The following SDK1 variants were observed in gnomAD, a reference collection of about 807,000 sequenced individuals.
SDK1 encodes sidekick cell adhesion molecule 1, also known as protein sidekick-1.
SDK1 carries 157 observed loss-of-function variants against 245.5 expected under a neutral mutation model. The observed-to-expected ratio is 0.64, with a 90% CI of 0.56 to 0.73. The LOEUF (loss-of-function observed/expected upper bound fraction) is 0.73, where lower values mean the gene tolerates loss of function less well. SDK1 is among the 30% of genes least tolerant of loss of function. The pLI, the probability that SDK1 is intolerant of heterozygous loss-of-function variation, is 0.00. For synonymous variants in SDK1, 1,647 were observed against 1,278.5 expected, an observed-to-expected ratio of 1.29 and a Z score of -6.15; for missense variants, 3,583 against 3,002.3, an observed-to-expected ratio of 1.19 and a Z score of -4.52.
intron 1 of SDK1, among the ~76,000 whole-genome samples, chr7:3,569,916 C>G (rs936066525): frequency 6.6e-6 from 1 of 152,158 alleles, no homozygotes; most frequent in Non-Finnish European, 1.5e-5. Flanking sequence ...GTTTGATAAA[C>G]CACCATCTCC....
chr7:3,787,146 TCACACACA>T (rs34838736), intron 4 of SDK1, among the ~76,000 whole-genome samples: 100 of 137,744 alleles, frequency 7.3e-4, no homozygotes, highest in African/African-American at 1.4e-3. Context: ...AGTATTGAAA[TCACACACA>T]CACACACACA....
At chr7:3,611,059 C>T (rs1781574062) in intron 1 of SDK1, among the ~76,000 whole-genome samples, 1 of 152,148 alleles carries the variant, frequency 6.6e-6, no homozygotes, top group African/African-American at 2.4e-5. Flanking sequence ...AGCTGCCTTT[C>T]ATCCTGAAAT....
At chr7:3,783,144 G>A (rs909508013) in intron 4 of SDK1, among the ~76,000 whole-genome samples, 13 of 152,118 alleles carry the variant, frequency 8.5e-5, no homozygotes, top group South Asian at 2.1e-4. Context: ...GTTAGATGCC[G>A]AAAAAGCATT....
At chr7:3,368,106 T>C (rs1344867413) in intron 1 of SDK1, among the ~76,000 whole-genome samples, 1 of 152,246 alleles carries the variant, frequency 6.6e-6, no homozygotes, top group East Asian at 1.9e-4. Context: ...TGTAAGTATA[T>C]TATTGACTTC....
chr7:3,452,741 C>T lies in SDK1; in HGVS notation c.298+150857C>T, dbSNP rs77203172. On this transcript the variant is annotated intron_variant, in intron 1 of 44. Transcript: ENST00000404826. ...CATTGACTTTGTGTGGAATTTCCCT[C>T]CCCTCCTCCACCACCCTGTTAGAAA... is the stretch of plus-strand genomic sequence containing the variant. 6.4e-3 allele frequency among the ~76,000 whole-genome samples: 970 copies of T among 152,264 alleles called. 12 individuals carry two copies. Among genetic ancestry groups the T allele is most frequent in the African/African-American group, 0.022 (921 of 41,542 alleles).
At chr7:3,483,883 A>C (rs1013342433) in intron 1 of SDK1, among the ~76,000 whole-genome samples, 1 of 152,274 alleles carries the variant, frequency 6.6e-6, no homozygotes, top group Non-Finnish European at 1.5e-5. Context: ...TAAGCTCTAC[A>C]TGGCCATAAT....
At chr7:4,171,304 C>T (rs1192430114) in intron 32 of SDK1, among the ~76,000 whole-genome samples, 1 of 152,200 alleles carries the variant, frequency 6.6e-6, no homozygotes, top group Non-Finnish European at 1.5e-5. Flanking sequence ...TTCTCTAGCT[C>T]TATTACTGGA....
chr7:3,528,900 C>T (rs551924553), intron 1 of SDK1, among the ~76,000 whole-genome samples: 2 of 152,102 alleles, frequency 1.3e-5, no homozygotes, highest in Non-Finnish European at 2.9e-5. Context: ...CCTTCTCTCC[C>T]CTTGCTTTTG....
At chr7:4,052,009 A>G (rs1405314316) in intron 19 of SDK1, among the ~76,000 whole-genome samples, 179 bp downstream of exon 19, 1 of 152,038 alleles carries the variant, frequency 6.6e-6, no homozygotes, top group African/African-American at 2.4e-5. Context: ...CTCGCAGAGG[A>G]TGGCACGTGG....
rs1016371534 is a variant in SDK1 at position 3,436,281 on chromosome 7, C to T, written c.298+134397C>T. On this transcript the variant is annotated intron_variant, in intron 1 of 44. Transcript: ENST00000404826. ...AGAAAACTTTTTAGATAGGATTTCT[C>T]GGTAAATTAAAGGATTTAGAGGGAT... Among the ~76,000 whole-genome samples, 15 of 151,584 alleles carry T rather than the reference C, an allele frequency of 9.9e-5. No homozygotes were observed. In the South Asian group the frequency reaches 1.3e-3, roughly 13 times the overall value.
At chr7:3,478,801 G>C (rs1781423372) in intron 1 of SDK1, among the ~76,000 whole-genome samples, 1 of 151,590 alleles carries the variant, frequency 6.6e-6, no homozygotes, top group Admixed American at 6.6e-5. Context: ...TTTATTTTCA[G>C]CCTATATTCT....
At chr7:4,060,493 T>C (rs1035047056) in intron 19 of SDK1, among the ~76,000 whole-genome samples, 1 of 151,990 alleles carries the variant, frequency 6.6e-6, no homozygotes, top group Non-Finnish European at 1.5e-5. Context: ...GGGTTGTTTG[T>C]TTTTTTCTTG....
chr7:3,598,515 T>G (rs1781144655), intron 1 of SDK1, among the ~76,000 whole-genome samples: 1 of 152,172 alleles, frequency 6.6e-6, no homozygotes, highest in South Asian at 2.1e-4. Flanking sequence ...TATAATACGG[T>G]ATTACAGCCA....
chr7:4,083,290 A>G lies in SDK1; in HGVS notation c.3324+3706A>G, dbSNP rs985542704. Among the ~76,000 whole-genome samples the G allele has an allele frequency of 2.8e-5, 4 of 145,326 alleles. No homozygotes were observed. In the South Asian group the frequency reaches 6.8e-4, roughly 25 times the overall value. ...ACCAACCCTCCCCGTCCCCACAACCACTCATCTGCTTCCTGTCACTATAGG... is the reference window on the plus strand; with the variant it reads ...ACCAACCCTCCCCGTCCCCACAACCGCTCATCTGCTTCCTGTCACTATAGG... On this transcript the variant is annotated intron_variant, in intron 22 of 44. Coordinates refer to ENST00000404826, the MANE Select transcript of SDK1 (RefSeq NM_152744.4).
intron 1 of SDK1, among the ~76,000 whole-genome samples, chr7:3,373,034 T>C (rs1781266209): frequency 6.6e-6 from 1 of 152,262 alleles, no homozygotes; most frequent in South Asian, 2.1e-4. Context: ...TATTCTATGC[T>C]CAATATTAAG....
chr7:4,212,826 G>C (rs1411567344), intron 38 of SDK1, among the ~76,000 whole-genome samples: 2 of 152,228 alleles, frequency 1.3e-5, no homozygotes, highest in African/African-American at 4.8e-5. Context: ...TGACCTGTGA[G>C]TCCTTCCTAA....
At chr7:3,607,750 C>T (rs368693331) in intron 1 of SDK1, among the ~76,000 whole-genome samples, 5 of 152,300 alleles carry the variant, frequency 3.3e-5, no homozygotes, top group Middle Eastern at 3.4e-3. Flanking sequence ...GTTCAAGATC[C>T]AGCATTCTGT....
chr7:3,561,115 C>G (rs1779737770), intron 1 of SDK1, among the ~76,000 whole-genome samples: 1 of 152,104 alleles, frequency 6.6e-6, no homozygotes, highest in Non-Finnish European at 1.5e-5. Flanking sequence ...AGATTGCAAG[C>G]TTGATGAGGG....
chr7:4,236,762 G>A (rs1414628470), intron 41 of SDK1, among the ~76,000 whole-genome samples: 1 of 152,126 alleles, frequency 6.6e-6, no homozygotes, highest in Non-Finnish European at 1.5e-5. Context: ...GGTGGAATGT[G>A]AGTGCTGTGC....
Sources: gnomAD v4.1 joint callset for allele counts (sites outside exome capture counted in the v4.1 genomes callset) on GRCh38, gnomAD v4.1.1 for gene constraint, MANE v1.5 for transcripts, NCBI Gene and HGNC (gene_info 2026-07-23, HGNC 2026-07-21) for gene names.